The following ZNF682 variants were observed in gnomAD, a reference collection of about 807,000 sequenced individuals.
The protein encoded by ZNF682 is zinc finger protein 682.
Under a neutral mutation model 36.5 loss-of-function variants are expected in ZNF682, and 29 were observed. The observed-to-expected ratio is 0.80, with a 90% CI of 0.59 to 1.08. The LOEUF (loss-of-function observed/expected upper bound fraction) is 1.08. ZNF682 is among the 50% of genes least tolerant of loss of function. The probability of loss-of-function intolerance (pLI) is 0.00; values close to 1 mark genes in which losing one functional copy is unlikely to be tolerated. For missense variants in ZNF682, 561 were observed against 579.7 expected (o/e 0.97, Z 0.33); for synonymous variants, 180 against 197.0 (o/e 0.91, Z 0.72).
At chr19:19,997,133 A>G (rs1229327480) in exon 4 of ZNF682, 1 of 397,782 alleles carries the variant, frequency 2.5e-6, no homozygotes, top group Admixed American at 4.4e-5. Context: ...TCCTCTAGCT[A>G]CGTGTCCAGG....
chr19:20,036,890 T>C (rs4809023), intron 1 of ZNF682, among the ~76,000 whole-genome samples: 118,164 of 150,480 alleles, frequency 0.79, 46,507 homozygotes, highest in Middle Eastern at 0.88. Flanking sequence ...GAGGCTGAGG[T>C]AGCAAGACTG....
intron 1 of ZNF682, among the ~76,000 whole-genome samples, chr19:20,031,834 C>T (rs752661777): frequency 1.2e-4 from 17 of 145,898 alleles, no homozygotes; most frequent in Admixed American, 5.0e-4. Flanking sequence ...CCCAGCTACT[C>T]GGGAGGCTGA....
chr19:20,003,190 CAA>C (rs755953644), downstream of ZNF682, among the ~76,000 whole-genome samples: 105 of 33,040 alleles, frequency 3.2e-3, no homozygotes, highest in Middle Eastern at 0.042. Context: ...GACTCCGTCT[CAA>C]AAAAAAAAAA....
At chr19:20,009,317 G>C (rs971899902) in intron 3 of ZNF682, among the ~76,000 whole-genome samples, 4 of 151,924 alleles carry the variant, frequency 2.6e-5, no homozygotes, top group African/African-American at 9.7e-5. Flanking sequence ...CCAGTCAGAA[G>C]ATAGTAAAGA....
In ZNF682 at chr19:20,006,184, G is replaced by A. The variant is rs761807885; in HGVS notation, c.1318C>T (p.Leu440Phe). Reference sequence around the variant, plus strand: ...GTATGAATTTTCTTATGTCTAGTAAGGTGTGAGCACCGATTAAAGGCTTTT... The same window carrying A: ...GTATGAATTTTCTTATGTCTAGTAAAGTGTGAGCACCGATTAAAGGCTTTT... ...CGKAFNRCSH[L>F]TRHKKIHTAV... Residue 440 changes from leucine to phenylalanine, a missense_variant, in exon 4 of 4, where the codon CTT (leucine) becomes TTT (phenylalanine). By Grantham distance (22) the Leu-to-Phe change is conservative. Coordinates refer to ENST00000397165, the MANE Select transcript of ZNF682 (RefSeq NM_033196.3). 1 of 1,612,946 alleles carries A rather than the reference G, an allele frequency of 6.2e-7. No individual in the cohort carries two copies. Among genetic ancestry groups the A allele is most frequent in the South Asian group, 1.1e-5 (1 of 91,040 alleles).
At chr19:20,021,898 C>T (rs996014160) in intron 3 of ZNF682, among the ~76,000 whole-genome samples, 4 of 151,964 alleles carry the variant, frequency 2.6e-5, no homozygotes, top group Admixed American at 6.6e-5. Flanking sequence ...GGGCTGGGCA[C>T]GGTGGCTCAC....
intron 1 of ZNF682, among the ~76,000 whole-genome samples, chr19:20,029,261 G>A (rs1160679495): frequency 6.6e-6 from 1 of 151,428 alleles, no homozygotes; most frequent in Admixed American, 6.6e-5. Context: ...GATTACAGAC[G>A]TGAGTCACCG....
chr19:19,997,151 A>C (rs1264938305), exon 4 of ZNF682: 1 of 398,318 alleles, frequency 2.5e-6, no homozygotes, highest in Non-Finnish European at 4.4e-6. Flanking sequence ...AGGGGCACAG[A>C]GAATGAGCAG....
At chr19:20,031,713 T>A (rs986649211) in intron 1 of ZNF682, among the ~76,000 whole-genome samples, 1 of 152,056 alleles carries the variant, frequency 6.6e-6, no homozygotes, top group Non-Finnish European at 1.5e-5. Flanking sequence ...GAGGCCGAGG[T>A]GGGCGGATCA....
chr19:20,013,504 A>G (rs1268214677), intron 3 of ZNF682, among the ~76,000 whole-genome samples: 5 of 152,216 alleles, frequency 3.3e-5, no homozygotes, highest in African/African-American at 1.2e-4. Flanking sequence ...AGCAGAATAC[A>G]CAGTCTTCTC....
At chr19:20,037,251 T>C (rs1325303332) in intron 1 of ZNF682, among the ~76,000 whole-genome samples, 2 of 152,108 alleles carry the variant, frequency 1.3e-5, no homozygotes, top group Non-Finnish European at 2.9e-5. Flanking sequence ...AAAGTTGCTA[T>C]CTAGAAGCCA....
At position 20,023,071 on chromosome 19, in the gene ZNF682, AATCAGTT is replaced by A. The variant is rs778730819; in HGVS notation, c.152_158del (p.Glu51ValfsTer13). The A allele has an allele frequency of 6.2e-7, 1 of 1,614,072 alleles. No homozygotes were observed. Among genetic ancestry groups the A allele is most frequent in the Non-Finnish European group, 8.5e-7 (1 of 1,179,950 alleles). ...GCTCCTGTCTTTGCTCCAGACGGCT[AATCAGTT>A]CTGGCTTAGAAACAGTAAGACCTGT... On this transcript the variant is annotated frameshift_variant, in exon 3 of 4. Coordinates refer to ENST00000397165, the MANE Select transcript of ZNF682 (RefSeq NM_033196.3). LOFTEE classifies it high-confidence loss of function.
chr19:20,036,803 TAAA>T (rs71340312), intron 1 of ZNF682, among the ~76,000 whole-genome samples: 1 of 29,558 alleles, frequency 3.4e-5, no homozygotes, highest in East Asian at 7.0e-4. Context: ...GCTGTCTCTA[TAAA>T]AAAAAAAGAA....
downstream of ZNF682, among the ~76,000 whole-genome samples, chr19:19,995,531 A>C (rs1404617737): frequency 1.3e-5 from 2 of 152,192 alleles, no homozygotes; most frequent in Non-Finnish European, 2.9e-5. Flanking sequence ...AATGTATAGG[A>C]ATAGATTGAA....
rs1049476308 is a variant in ZNF682 at position 20,004,950 on chromosome 19, T to C, written c.*1055A>G. 4.6e-5 allele frequency: 7 copies of C among 152,268 alleles called. No homozygotes were observed. The highest frequency in any genetic ancestry group is 2.9e-5 in the Non-Finnish European group (2 of 68,038). The allele number at this position is 152,268 out of a possible 1,614,324, so 9.4% of individuals were successfully genotyped here. ...TACTCTTTATAATCAATGCCCTGATTTAGAATAACATTGAAAGTGTTAGCG... is the reference window on the plus strand; with the variant it reads ...TACTCTTTATAATCAATGCCCTGATCTAGAATAACATTGAAAGTGTTAGCG... On this transcript the variant is annotated 3_prime_UTR_variant, in exon 4 of 4. Transcript: ENST00000397165.
chr19:20,037,628 C>A (rs1211620726), intron 1 of ZNF682, among the ~76,000 whole-genome samples: 1 of 152,282 alleles, frequency 6.6e-6, no homozygotes, highest in African/African-American at 2.4e-5. Flanking sequence ...TGGACAATAA[C>A]CATTCTACCA....
At chr19:20,018,156 G>A (rs1029491123) in intron 3 of ZNF682, among the ~76,000 whole-genome samples, 1 of 121,736 alleles carries the variant, frequency 8.2e-6, no homozygotes, top group Non-Finnish European at 1.6e-5. Flanking sequence ...TGCAGTGGCG[G>A]GATCTCGGCT....
At chr19:20,024,116 TC>T (rs1193298091) in intron 2 of ZNF682, 133 bp downstream of exon 2, 3 of 1,063,416 alleles carry the variant, frequency 2.8e-6, no homozygotes, top group Non-Finnish European at 4.1e-6. Context: ...TCCCAACAAA[TC>T]CCCAAGTTTT....
At chr19:20,003,972 C>T (rs10407791), downstream of ZNF682, among the ~76,000 whole-genome samples, 12,756 of 152,212 alleles carry the variant, frequency 0.084, 1,523 homozygotes, top group African/African-American at 0.27. Flanking sequence ...AATACAATTA[C>T]TTGCTTCATA....
Sources: allele counts gnomAD v4.1 joint callset (sites outside exome capture counted in the v4.1 genomes callset), GRCh38; gene constraint gnomAD v4.1.1; transcripts MANE v1.5; gene names NCBI Gene and HGNC (gene_info 2026-07-23, HGNC 2026-07-21).